Variants in CHST12 observed in about 807,000 individuals in gnomAD.
The protein encoded by CHST12 is carbohydrate sulfotransferase 12.
In CHST12, 23 loss-of-function variants were observed where a neutral mutation model predicts 27.9. The ratio of observed to expected loss-of-function variants is 0.82; its 90% CI spans 0.59 to 1.17. The LOEUF (loss-of-function observed/expected upper bound fraction) is 1.17. Among genes scored for constraint, CHST12 ranks in the 50% most tolerant of loss-of-function variants. The pLI is 0.00. For missense variants in CHST12, 682 were observed against 603.0 expected (o/e 1.13, Z -1.37); for synonymous variants, 322 against 273.0 (o/e 1.18, Z -1.77).
Position 2,433,803 on chromosome 7 carries a change from G to C in CHST12, c.1164G>C (p.Trp388Cys). The C allele has an allele frequency of 6.2e-7, 1 of 1,614,130 alleles. No homozygotes were observed. Among genetic ancestry groups the C allele is most frequent in the African/African-American group, 1.3e-5 (1 of 75,040 alleles). The change falls in exon 2 of 2, where the codon TGG (tryptophan) becomes TGC (cysteine). Residue 388 changes from tryptophan (W) to cysteine (C), a missense_variant. Physicochemically the swap from Trp to Cys is radical, Grantham distance 215. Coordinates refer to ENST00000618655, the MANE Select transcript of CHST12 (RefSeq NM_018641.5). The surrounding 1 kb of genome is among the most constrained non-coding windows in gnomAD (Gnocchi z 6.1). ...EDWFAKIPLA[W>C]RQQLYKLYEA... The stretch of plus-strand genomic sequence containing the variant: ...GGTTCGCCAAGATCCCCCTGGCCTG[G>C]AGGCAGCAGCTGTATAAACTCTACG...
At position 2,416,218 on chromosome 7, in the gene CHST12, C is replaced by T. The variant is rs546485866; in HGVS notation, c.-78+12545C>T. 3.3e-5 allele frequency among the ~76,000 whole-genome samples: 5 copies of T among 152,324 alleles called. No individual in the cohort carries two copies. In the South Asian group the frequency reaches 1.0e-3, roughly 32 times the overall value. On this transcript the variant is annotated intron_variant, in intron 1 of 1. Transcript: ENST00000618655. ...AACTCTTCATCTGTTCAGCTTTGAA[C>T]ATGAGATTGCAATTATTTGGCCACA...
intron 1 of CHST12, among the ~76,000 whole-genome samples, chr7:2,420,164 G>A (rs1359079303): frequency 5.3e-5 from 8 of 151,456 alleles, no homozygotes; most frequent in South Asian, 2.1e-4. Flanking sequence ...TAGTAGAGAC[G>A]GGGTTTCACC....
Position 2,435,003 on chromosome 7 carries a change from C to T in CHST12, c.*1119C>T, listed in dbSNP as rs1782438181. 1 of 152,122 alleles carries T rather than the reference C, an allele frequency of 6.6e-6. No homozygotes were observed. The highest frequency in any genetic ancestry group is 1.5e-5 in the Non-Finnish European group (1 of 68,124). 9.4% of individuals were successfully genotyped at this position (152,122 alleles called of 1,614,324 possible). A position where few individuals can be genotyped will look rare whatever the true frequency, so the allele number is the denominator to read the frequency against. On this transcript the variant is annotated 3_prime_UTR_variant, in exon 2 of 2. Transcript: ENST00000618655. ...GGCTGAGGAGGGAGGATCACTTGAG[C>T]CCAGGAGTTCAAGATCAGTTTGGAC...
rs1463859575 is a variant in CHST12 at position 2,439,961 on chromosome 7, C to T, written c.*6077C>T. On this transcript the variant is annotated 3_prime_UTR_variant, in exon 2 of 2. Coordinates refer to ENST00000618655, the MANE Select transcript of CHST12 (RefSeq NM_018641.5). ...TCTCAAACTCCTGAGCTCGAGTGCTCCTTCTGCCTCAGCCTCCCAAAGTGC... is the reference window on the plus strand; with the variant it reads ...TCTCAAACTCCTGAGCTCGAGTGCTTCTTCTGCCTCAGCCTCCCAAAGTGC... The T allele has an allele frequency of 1.3e-5, 2 of 152,146 alleles. No individual in the cohort carries two copies. The highest frequency in any genetic ancestry group is 2.9e-5 in the Non-Finnish European group (2 of 68,036). 9.4% of individuals were successfully genotyped at this position (152,146 alleles called of 1,614,324 possible).
At chr7:2,409,074 C>G (rs1036624620) in intron 1 of CHST12, among the ~76,000 whole-genome samples, 9 of 152,212 alleles carry the variant, frequency 5.9e-5, no homozygotes, top group South Asian at 2.1e-4. Flanking sequence ...AACCATCGTG[C>G]GGGAAACGAA....
chr7:2,417,632 C>A (rs566357961), intron 1 of CHST12, among the ~76,000 whole-genome samples: 2 of 152,096 alleles, frequency 1.3e-5, no homozygotes, highest in Non-Finnish European at 2.9e-5. Context: ...TCAACTGATC[C>A]GCCTGCCTTG....
chr7:2,409,676 C>T (rs1781614019), intron 1 of CHST12, among the ~76,000 whole-genome samples: 1 of 151,558 alleles, frequency 6.6e-6, no homozygotes. Context: ...GAAAGGGAAG[C>T]AGGGACAGAG....
At position 2,433,091 on chromosome 7, in the gene CHST12, A is replaced by G. The variant is rs559408178; in HGVS notation, c.452A>G (p.Asn151Ser). ...TKERAFDDIP[N>S]SELSHLIVDD... Reference sequence around the variant, plus strand: ...GAGCGCGCATTCGACGACATCCCCAACTCGGAGCTGAGCCACCTGATCGTG... The same window carrying G: ...GAGCGCGCATTCGACGACATCCCCAGCTCGGAGCTGAGCCACCTGATCGTG... The change falls in exon 2 of 2, where the codon AAC (asparagine) becomes AGC (serine). Residue 151 changes from asparagine (N) to serine (S), a missense_variant. Transcript: ENST00000618655. This position sits in a 1 kb window ranked among gnomAD's most constrained non-coding sequence, Gnocchi z 6.1. 3.1e-6 allele frequency: 5 copies of G among 1,612,310 alleles called. No individual in the cohort carries two copies. The highest frequency in any genetic ancestry group is 3.4e-6 in the Non-Finnish European group (4 of 1,179,598).
chr7:2,413,304 C>A (rs1039306349), intron 1 of CHST12, among the ~76,000 whole-genome samples: 1 of 152,216 alleles, frequency 6.6e-6, no homozygotes, highest in African/African-American at 2.4e-5. Flanking sequence ...TGGGCCATTG[C>A]ATTCATATTA....
intron 1 of CHST12, among the ~76,000 whole-genome samples, chr7:2,404,722 G>C (rs557104961): frequency 3.1e-4 from 47 of 152,364 alleles, no homozygotes; most frequent in Non-Finnish European, 6.2e-4. Flanking sequence ...CAACGCTTGA[G>C]ATCTGAAAGA....
At chr7:2,404,439 C>T (rs1781467410) in intron 1 of CHST12, among the ~76,000 whole-genome samples, 1 of 152,098 alleles carries the variant, frequency 6.6e-6, no homozygotes, top group Non-Finnish European at 1.5e-5. Flanking sequence ...AGTTCATAAG[C>T]GGGGCTGTGG....
rs748091500 is a variant in CHST12 at position 2,433,746 on chromosome 7, G to A, written c.1107G>A (p.Arg369=). The part of the protein sequence containing the change: ...DRQLRFPPSY[R]NRTASSWEED... The stretch of plus-strand genomic sequence containing the variant: ...AGCTCCGCTTCCCCCCGAGCTACCG[G>A]AACAGGACCGCCAGCAGCTGGGAGG... Residue 369 remains arginine, a synonymous_variant, in exon 2 of 2, where the codon CGG becomes CGA. Coordinates refer to ENST00000618655, the MANE Select transcript of CHST12 (RefSeq NM_018641.5). The surrounding 1 kb of genome is among the most constrained non-coding windows in gnomAD (Gnocchi z 6.1). 3 of 1,613,890 alleles carry A rather than the reference G, an allele frequency of 1.9e-6. No homozygotes were observed. Among genetic ancestry groups the A allele is most frequent in the Middle Eastern group, 1.6e-4 (1 of 6,062 alleles).
chr7:2,414,585 T>G (rs1781757005), intron 1 of CHST12, among the ~76,000 whole-genome samples: 1 of 152,170 alleles, frequency 6.6e-6, no homozygotes, highest in South Asian at 2.1e-4. Context: ...GTGCCCAGCC[T>G]TTACTTTCTT....
intron 1 of CHST12, among the ~76,000 whole-genome samples, chr7:2,415,912 C>A (rs920215134): frequency 6.6e-6 from 1 of 152,214 alleles, no homozygotes; most frequent in Non-Finnish European, 1.5e-5. Context: ...CCGCGCCTGG[C>A]TGGCAATTTC....
intron 1 of CHST12, among the ~76,000 whole-genome samples, chr7:2,417,890 C>T (rs573978726): frequency 1.2e-4 from 18 of 152,362 alleles, no homozygotes; most frequent in Admixed American, 1.0e-3. Flanking sequence ...AAATTAGCCA[C>T]GTATTACGTG....
chr7:2,404,949 A>G (rs892087518), intron 1 of CHST12, among the ~76,000 whole-genome samples: 1 of 152,204 alleles, frequency 6.6e-6, no homozygotes, highest in Non-Finnish European at 1.5e-5. Flanking sequence ...CCTGGCTACA[A>G]CTGTGTGGAG....
chr7:2,415,380 G>T (rs1327535852), intron 1 of CHST12, among the ~76,000 whole-genome samples: 1 of 147,946 alleles, frequency 6.8e-6, no homozygotes, highest in Admixed American at 6.8e-5. Flanking sequence ...AAAAAAAAAA[G>T]TTTTATGTTT....
In CHST12 at chr7:2,433,052, C is replaced by G. The variant is rs1583226914; in HGVS notation, c.413C>G (p.Ala138Gly). The change falls in exon 2 of 2, where the codon GCC becomes GGC. Residue 138 changes from alanine to glycine, a missense_variant. Coordinates refer to ENST00000618655, the MANE Select transcript of CHST12 (RefSeq NM_018641.5). This position sits in a 1 kb window ranked among gnomAD's most constrained non-coding sequence, Gnocchi z 6.1. ...LRGFCANSSL[A>G]FPTKERAFDD... is the part of the protein sequence containing the mutation. ...GGCTTCTGCGCCAACTCCAGCCTGG[C>G]CTTCCCCACCAAGGAGCGCGCATTC... 2 of 1,611,874 alleles carry G rather than the reference C, an allele frequency of 1.2e-6. No homozygotes were observed. The highest frequency in any genetic ancestry group is 3.3e-4 in the Middle Eastern group (2 of 6,062).
chr7:2,432,705 C>T lies in CHST12; in HGVS notation c.66C>T (p.Ile22=), dbSNP rs150285273. ...GGTCGGTGTTCATGATCCTGCTGAT[C>T]ATCGTGTACTGGGACAGCGCAGGCG... ...VLGSVFMILL[I]IVYWDSAGAA... is the part of the protein sequence containing the mutation. The change falls in exon 2 of 2, where the codon ATC becomes ATT. Residue 22 remains isoleucine, a synonymous_variant. Coordinates refer to ENST00000618655, the MANE Select transcript of CHST12 (RefSeq NM_018641.5). 3.7e-6 allele frequency: 6 copies of T among 1,613,806 alleles called. No homozygotes were observed. In the African/African-American group the frequency reaches 6.7e-5, roughly 18 times the overall value.
Sources: allele counts gnomAD v4.1 joint callset (sites outside exome capture counted in the v4.1 genomes callset), GRCh38; gene constraint gnomAD v4.1.1; non-coding constraint Gnocchi (gnomAD v3.1); transcripts MANE v1.5; gene names NCBI Gene and HGNC (gene_info 2026-07-23, HGNC 2026-07-21).